The following PDE7B variants were observed in gnomAD, a reference collection of about 807,000 sequenced individuals.
PDE7B encodes the protein phosphodiesterase 7B, also known as 3',5'-cyclic-AMP phosphodiesterase 7B.
Under a neutral mutation model 56.2 loss-of-function variants are expected in PDE7B, and 29 were observed. The ratio of observed to expected loss-of-function variants is 0.52; its 90% CI spans 0.38 to 0.70. The LOEUF is 0.70. Ranked by LOEUF, PDE7B falls within the 30% of genes least tolerant of loss-of-function variation. PDE7B has a pLI of 0.00. For missense variants in PDE7B, 490 were observed against 565.0 expected (o/e 0.87, Z 1.35); for synonymous variants, 197 against 196.9 (o/e 1.00, Z 0.00).
At chr6:136,001,288 A>G (rs935886556) in intron 2 of PDE7B, among the ~76,000 whole-genome samples, 10 of 152,222 alleles carry the variant, frequency 6.6e-5, no homozygotes, top group African/African-American at 2.4e-4. Context: ...TAAAAAGCAG[A>G]GCACCTCTCC....
intron 1 of PDE7B, among the ~76,000 whole-genome samples, chr6:135,862,109 C>G (rs925683438): frequency 6.6e-6 from 1 of 151,742 alleles, no homozygotes. Context: ...TTTTATTGTA[C>G]TGGATAGGAT....
intron 11 of PDE7B, among the ~76,000 whole-genome samples, chr6:136,185,978 C>T (rs1048547627): frequency 6.6e-6 from 1 of 151,924 alleles, no homozygotes; most frequent in Admixed American, 6.6e-5. Flanking sequence ...TGAAGTATTT[C>T]AATAAAGTTT....
intron 9 of PDE7B, among the ~76,000 whole-genome samples, chr6:136,175,077 TCTC>T (rs1160842791): frequency 3.9e-5 from 6 of 152,082 alleles, no homozygotes; most frequent in African/African-American, 1.4e-4. Flanking sequence ...TGACCAGACT[TCTC>T]CTGGTCAGTA....
chr6:136,171,469 G>T (rs905193251), intron 8 of PDE7B, among the ~76,000 whole-genome samples: 1 of 152,262 alleles, frequency 6.6e-6, no homozygotes, highest in East Asian at 1.9e-4. Context: ...CTACCCTGGT[G>T]GTTTGGGCTT....
At chr6:135,898,748 G>A (rs78528108) in intron 1 of PDE7B, among the ~76,000 whole-genome samples, 1,639 of 152,202 alleles carry the variant, frequency 0.011, 16 homozygotes, top group Non-Finnish European at 0.019. Context: ...TAAGTTGCAT[G>A]CATTATGAAG....
chr6:135,854,451 C>T (rs942065244), intron 1 of PDE7B, among the ~76,000 whole-genome samples: 4 of 152,164 alleles, frequency 2.6e-5, no homozygotes, highest in Non-Finnish European at 5.9e-5. Flanking sequence ...GAATAATCCA[C>T]TATCTTATGG....
chr6:136,177,849 A>G (rs898904135), intron 9 of PDE7B, among the ~76,000 whole-genome samples: 1 of 152,222 alleles, frequency 6.6e-6, no homozygotes, highest in African/African-American at 2.4e-5. Context: ...CATAGTAGCC[A>G]AACACTAGAA....
chr6:135,871,990 A>G (rs187731180), intron 1 of PDE7B, among the ~76,000 whole-genome samples: 115 of 152,348 alleles, frequency 7.5e-4, no homozygotes, highest in African/African-American at 2.7e-3. Context: ...TGAGATTTAA[A>G]AGAAAACAAC....
intron 2 of PDE7B, among the ~76,000 whole-genome samples, chr6:135,969,916 G>A (rs1235873182): frequency 3.3e-5 from 5 of 152,302 alleles, no homozygotes; most frequent in Non-Finnish European, 7.4e-5. Context: ...GTGGGGAAAT[G>A]ATGAAGATGG....
chr6:135,898,046 G>A (rs1775933991), intron 1 of PDE7B, among the ~76,000 whole-genome samples: 1 of 152,142 alleles, frequency 6.6e-6, no homozygotes, highest in South Asian at 2.1e-4. Flanking sequence ...AGCCTTTATA[G>A]ACCACTTCTG....
intron 1 of PDE7B, among the ~76,000 whole-genome samples, chr6:135,901,549 TCTTC>T (rs1431033930): frequency 6.6e-6 from 1 of 152,124 alleles, no homozygotes; most frequent in East Asian, 1.9e-4. Flanking sequence ...GGTACTCTCT[TCTTC>T]CTGTCTCCAA....
intron 2 of PDE7B, among the ~76,000 whole-genome samples, chr6:135,970,597 G>GT (rs1351130986): frequency 6.6e-6 from 1 of 152,130 alleles, no homozygotes; most frequent in Non-Finnish European, 1.5e-5. Flanking sequence ...CCAGTCCCCG[G>GT]TATACATTGT....
In PDE7B at chr6:136,192,070, G is replaced by A. The variant is rs981109122; in HGVS notation, c.*230G>A. 3 of 550,888 alleles carry A rather than the reference G, an allele frequency of 5.4e-6. No homozygotes were observed. The highest frequency in any genetic ancestry group is 6.3e-5 in the Admixed American group (2 of 31,768). The allele number at this position is 550,888 out of a possible 1,614,324, so 34.1% of individuals were successfully genotyped here. ...GAAATGAGCAACTCCATTCAGTAAC[G>A]TGGGAGCTGATCCCACGGGCAGGCT... On this transcript the variant is annotated 3_prime_UTR_variant, in exon 13 of 13. Coordinates refer to ENST00000308191, the MANE Select transcript of PDE7B (RefSeq NM_018945.4).
At chr6:136,085,167 C>G (rs1777271254) in intron 2 of PDE7B, among the ~76,000 whole-genome samples, 1 of 152,190 alleles carries the variant, frequency 6.6e-6, no homozygotes, top group African/African-American at 2.4e-5. Flanking sequence ...TTAAGAGGGT[C>G]TTAAAGTGGT....
intron 3 of PDE7B, among the ~76,000 whole-genome samples, chr6:136,127,201 A>G (rs1017544314): frequency 5.3e-5 from 8 of 152,096 alleles, no homozygotes; most frequent in African/African-American, 1.4e-4. Context: ...GAAGAGCCCC[A>G]TATACTTTGC....
At chr6:136,142,147 A>G (rs926130412) in intron 3 of PDE7B, among the ~76,000 whole-genome samples, 1 of 152,102 alleles carries the variant, frequency 6.6e-6, no homozygotes. Flanking sequence ...AGATTCTGGT[A>G]TGTTGTGTCT....
chr6:136,052,590 C>A (rs1466472623), intron 2 of PDE7B, among the ~76,000 whole-genome samples: 2 of 151,368 alleles, frequency 1.3e-5, no homozygotes, highest in Non-Finnish European at 2.9e-5. Flanking sequence ...GAGCTCAGTT[C>A]TTGTGGGTGT....
At chr6:136,005,515 A>T (rs1461570292) in intron 2 of PDE7B, among the ~76,000 whole-genome samples, 1 of 152,224 alleles carries the variant, frequency 6.6e-6, no homozygotes, top group Non-Finnish European at 1.5e-5. Context: ...CAAGAAAAAG[A>T]CAAACAACCC....
chr6:136,088,380 C>T (rs1777327300), intron 2 of PDE7B, among the ~76,000 whole-genome samples: 1 of 152,242 alleles, frequency 6.6e-6, no homozygotes, highest in Non-Finnish European at 1.5e-5. Context: ...ACAATTAGTT[C>T]ATAAATTTAC....
Sources: allele counts gnomAD v4.1 joint callset (sites outside exome capture counted in the v4.1 genomes callset), GRCh38; gene constraint gnomAD v4.1.1; transcripts MANE v1.5; gene names NCBI Gene and HGNC (gene_info 2026-07-23, HGNC 2026-07-21).